WNT3A: variants seen among roughly 807,000 people sequenced by gnomAD.
The protein encoded by WNT3A is Wnt family member 3A.
Under a neutral mutation model 37.0 loss-of-function variants are expected in WNT3A, and 17 were observed. The ratio of observed to expected loss-of-function variants is 0.46; its 90% CI spans 0.31 to 0.69. WNT3A has a LOEUF of 0.69. Ranked by LOEUF, WNT3A falls within the 30% of genes least tolerant of loss-of-function variation. WNT3A has a pLI of 0.05. For missense variants in WNT3A, 411 were observed against 510.2 expected, an observed-to-expected ratio of 0.81 and a Z score of 1.87; for synonymous variants, 187 against 211.0, an observed-to-expected ratio of 0.89 and a Z score of 0.99.
At chr1:228,046,019 G>A (rs891444348) in intron 2 of WNT3A, among the ~76,000 whole-genome samples, 2 of 152,260 alleles carry the variant, frequency 1.3e-5, no homozygotes, top group Non-Finnish European at 2.9e-5. Flanking sequence ...GCAGCCAGGT[G>A]TAGAGGACAC....
At chr1:228,019,637 G>T (rs991358280) in intron 1 of WNT3A, among the ~76,000 whole-genome samples, 1 of 152,198 alleles carries the variant, frequency 6.6e-6, no homozygotes. Flanking sequence ...ATCTGGAAAA[G>T]ATGCAGCCTT....
intron 2 of WNT3A, among the ~76,000 whole-genome samples, chr1:228,025,220 T>C (rs776506206): frequency 5.9e-5 from 9 of 152,210 alleles, no homozygotes; most frequent in Non-Finnish European, 1.0e-4. Context: ...TGCTGGGATT[T>C]TCATGGGGAT....
chr1:228,041,872 T>G (rs1342979333), intron 2 of WNT3A, among the ~76,000 whole-genome samples: 4 of 152,224 alleles, frequency 2.6e-5, no homozygotes, highest in Admixed American at 6.5e-5. Flanking sequence ...CTCCTGAAAG[T>G]GGGTCATCCA....
chr1:228,016,142 C>A (rs868555590), intron 1 of WNT3A, among the ~76,000 whole-genome samples: 8 of 152,158 alleles, frequency 5.3e-5, no homozygotes, highest in African/African-American at 1.7e-4. Context: ...CCCTGACCCC[C>A]CAGGGTGATT....
rs889324658 is a variant in WNT3A, at chr1:228,025,261, C to A, written c.313+2353C>A. On this transcript the variant is annotated intron_variant, in intron 2 of 3. Transcript: ENST00000284523. ...TGATTCTGTAGGTTGCCTTGGGAAG[C>A]ATTGCCTCCTTAACAATATTAAGTT... Among the ~76,000 whole-genome samples the A allele has an allele frequency of 6.6e-5, 10 of 152,160 alleles. No homozygotes were observed. The South Asian group carries it at 1.2e-3, about 19-fold the overall frequency.
At chr1:228,023,550 TAGAG>T (rs554714883) in intron 2 of WNT3A, among the ~76,000 whole-genome samples, 82 of 136,374 alleles carry the variant, frequency 6.0e-4, no homozygotes, top group African/African-American at 2.1e-3. Context: ...GAGACAGAAA[TAGAG>T]AGAGACAAAG....
intron 1 of WNT3A, among the ~76,000 whole-genome samples, chr1:228,021,149 T>A (rs1356293711): frequency 2.0e-5 from 3 of 152,194 alleles, no homozygotes; most frequent in Non-Finnish European, 1.5e-5. Flanking sequence ...TCGGCCAGGC[T>A]GGCCTGGCAG....
intron 2 of WNT3A, among the ~76,000 whole-genome samples, chr1:228,044,839 T>C (rs1440784157): frequency 6.6e-6 from 1 of 152,242 alleles, no homozygotes; most frequent in Non-Finnish European, 1.5e-5. Context: ...TTTTCTGGCC[T>C]GTGGTCTTGC....
At chr1:228,017,211 A>G (rs1284573344) in intron 1 of WNT3A, among the ~76,000 whole-genome samples, 2 of 152,158 alleles carry the variant, frequency 1.3e-5, no homozygotes, top group Non-Finnish European at 2.9e-5. Context: ...TCAGGGAGCC[A>G]CATAACTAGA....
rs952452018 is a variant in WNT3A, at chr1:228,059,732, C to G, written c.*267C>G. 3.8e-6 allele frequency: 5 copies of G among 1,299,584 alleles called. No homozygotes were observed. In the African/African-American group the frequency reaches 7.8e-5, roughly 20 times the overall value. 80.5% of individuals were successfully genotyped at this position (1,299,584 alleles called of 1,614,324 possible). A position where few individuals can be genotyped will look rare whatever the true frequency, so the allele number is the denominator to read the frequency against. On this transcript the variant is annotated 3_prime_UTR_variant, in exon 4 of 4. Transcript: ENST00000284523. ...GGAGGGGCTCTGCGTTGGCTTCTCC[C>G]TGGGGACGGGGCTCCCCTGGACAGA...
chr1:228,009,963 AG>A (rs1234349199), intron 1 of WNT3A, among the ~76,000 whole-genome samples: 10 of 152,192 alleles, frequency 6.6e-5, no homozygotes, highest in Non-Finnish European at 1.3e-4. Context: ...ACAGATGTCC[AG>A]GGGCATCCAT....
intron 2 of WNT3A, among the ~76,000 whole-genome samples, chr1:228,028,648 T>C (rs1193270423): frequency 6.6e-6 from 1 of 152,180 alleles, no homozygotes; most frequent in African/African-American, 2.4e-5. Context: ...TTTAGGATTG[T>C]TTTTCCTAAT....
At chr1:228,046,143 G>C (rs1318707809) in intron 2 of WNT3A, among the ~76,000 whole-genome samples, 1 of 152,280 alleles carries the variant, frequency 6.6e-6, no homozygotes, top group Admixed American at 6.5e-5. Flanking sequence ...TGCGGCCTGA[G>C]GCCAGGGAGT....
At chr1:228,036,452 T>G (rs1745423) in intron 2 of WNT3A, among the ~76,000 whole-genome samples, 96,689 of 151,996 alleles carry the variant, frequency 0.64, 31,111 homozygotes, top group African/African-American at 0.73. Context: ...CCTGCTTTCA[T>G]CCCCATCTGC....
chr1:228,030,784 G>A (rs894391829), intron 2 of WNT3A, among the ~76,000 whole-genome samples: 2 of 152,196 alleles, frequency 1.3e-5, no homozygotes, highest in African/African-American at 4.8e-5. Flanking sequence ...AATTCCCACA[G>A]GCCCTCTCAG....
At chr1:228,054,606 C>T (rs538905438) in intron 3 of WNT3A, among the ~76,000 whole-genome samples, 41 of 130,928 alleles carry the variant, frequency 3.1e-4, no homozygotes, top group Non-Finnish European at 5.0e-4. Flanking sequence ...CCAGCCTGGG[C>T]GACAGAGTGA....
chr1:228,021,155 G>A (rs1248390102), intron 1 of WNT3A, among the ~76,000 whole-genome samples: 3 of 152,220 alleles, frequency 2.0e-5, no homozygotes, highest in African/African-American at 7.2e-5. Context: ...AGGCTGGCCT[G>A]GCAGAGCTTC....
chr1:228,059,695 G>C lies in WNT3A; in HGVS notation c.*230G>C. 7.4e-7 allele frequency: 1 copy of C among 1,342,668 alleles called. No homozygotes were observed. Among genetic ancestry groups the C allele is most frequent in the Middle Eastern group, 2.8e-4 (1 of 3,626 alleles). The allele number at this position is 1,342,668 out of a possible 1,614,324, so 83.2% of individuals were successfully genotyped here. ...CTGGGCTGCTCCTGAATGAGGCGGA[G>C]CTCCAGGATGGGGAGGGGCTCTGCG... On this transcript the variant is annotated 3_prime_UTR_variant, in exon 4 of 4. Coordinates refer to ENST00000284523, the MANE Select transcript of WNT3A (RefSeq NM_033131.4).
At position 228,008,863 on chromosome 1, in the gene WNT3A, TC is replaced by T. The variant is rs2030284279; in HGVS notation, c.71+1666del. Among the ~76,000 whole-genome samples, 3 of 152,126 alleles carry T rather than the reference TC, an allele frequency of 2.0e-5. No homozygotes were observed. In the South Asian group the frequency reaches 6.2e-4, roughly 32 times the overall value. ...TGAGGGTTCCTAGCCTCGGTCCCCA[TC>T]CACCTCATATGCATGTATACCTCCT... On this transcript the variant is annotated intron_variant, in intron 1 of 3. Transcript: ENST00000284523. The surrounding 1 kb of genome is among the most constrained non-coding windows in gnomAD (Gnocchi z 4.9).
Sources: gnomAD v4.1 joint callset for allele counts (sites outside exome capture counted in the v4.1 genomes callset) on GRCh38, gnomAD v4.1.1 for gene constraint, Gnocchi (gnomAD v3.1) non-coding constraint, MANE v1.5 for transcripts, NCBI Gene and HGNC (gene_info 2026-07-23, HGNC 2026-07-21) for gene names.